DACH1: variants seen among roughly 807,000 people sequenced by gnomAD.
DACH1 encodes dachshund family transcription factor 1.
In DACH1, 12 loss-of-function variants were observed where a neutral mutation model predicts 54.2. The ratio of observed to expected loss-of-function variants is 0.22; its 90% CI spans 0.14 to 0.36. DACH1 has a LOEUF of 0.36. Among genes scored for constraint, DACH1 ranks in the 10% least tolerant of loss-of-function variants. The pLI is 1.00. For missense variants in DACH1, 805 were observed against 929.8 expected (o/e 0.87, Z 1.75); for synonymous variants, 386 against 366.2 (o/e 1.05, Z -0.62).
chr13:71,602,520 G>A (rs932307929), intron 3 of DACH1, among the ~76,000 whole-genome samples: 4 of 151,658 alleles, frequency 2.6e-5, no homozygotes, highest in Non-Finnish European at 4.4e-5. Context: ...TGCTTTGTCC[G>A]CCATGGGAGC....
intron 6 of DACH1, among the ~76,000 whole-genome samples, chr13:71,531,166 G>A (rs1165826165): frequency 6.6e-6 from 1 of 152,014 alleles, no homozygotes; most frequent in Non-Finnish European, 1.5e-5. Context: ...CTTATTAGGA[G>A]GAGAGTATTC....
intron 3 of DACH1, among the ~76,000 whole-genome samples, chr13:71,595,823 C>T (rs1473791348): frequency 2.6e-5 from 4 of 152,102 alleles, no homozygotes; most frequent in Non-Finnish European, 5.9e-5. Context: ...CCCTCCTAAC[C>T]TTATTACTTC....
chr13:71,489,794 C>T (rs1191537194), intron 6 of DACH1, among the ~76,000 whole-genome samples: 2 of 151,860 alleles, frequency 1.3e-5, no homozygotes, highest in African/African-American at 4.8e-5. Context: ...TTATAGCTTC[C>T]ATACATAAAA....
chr13:71,689,063 G>A (rs1881336609), intron 1 of DACH1, among the ~76,000 whole-genome samples: 1 of 152,082 alleles, frequency 6.6e-6, no homozygotes, highest in Admixed American at 6.6e-5. Flanking sequence ...GAGTTTGTTT[G>A]TTTGTTGTTT....
At chr13:71,515,904 A>G (rs1339892351) in intron 6 of DACH1, among the ~76,000 whole-genome samples, 1 of 151,918 alleles carries the variant, frequency 6.6e-6, no homozygotes, top group Non-Finnish European at 1.5e-5. Context: ...TGACACTGTT[A>G]TCTTAATGTT....
In DACH1 at chr13:71,584,299, T is replaced by C. The variant is rs957523368; in HGVS notation, c.1127-11287A>G. Among the ~76,000 whole-genome samples, 2 of 152,232 alleles carry C rather than the reference T, an allele frequency of 1.3e-5. 1 individual carries two copies. The highest frequency in any genetic ancestry group is 4.1e-4 in the South Asian group (2 of 4,834). ...TTAAAATGATCTGTGTAAAAACTGTTTTCTTCTTTGATTTTGAAATTTTGC... is the reference window on the plus strand; with the variant it reads ...TTAAAATGATCTGTGTAAAAACTGTCTTCTTCTTTGATTTTGAAATTTTGC... On this transcript the variant is annotated intron_variant, in intron 3 of 10. Transcript: ENST00000613252.
chr13:71,620,863 T>C lies in DACH1; in HGVS notation c.1126+9693A>G, dbSNP rs190177414. Among the ~76,000 whole-genome samples, 31 of 151,356 alleles carry C rather than the reference T, an allele frequency of 2.0e-4. 1 individual carries two copies. Among genetic ancestry groups the C allele is most frequent in the Admixed American group, 1.8e-3 (27 of 15,218 alleles). ...CTATACTGATGTAGAAGTAAAATCATAGATGAATTATTTATTTTTTTTAAA... is the reference window on the plus strand; with the variant it reads ...CTATACTGATGTAGAAGTAAAATCACAGATGAATTATTTATTTTTTTTAAA... On this transcript the variant is annotated intron_variant, in intron 3 of 10. Coordinates refer to ENST00000613252, the MANE Select transcript of DACH1 (RefSeq NM_080759.6).
chr13:71,766,546 T>G (rs1885637328), intron 1 of DACH1, among the ~76,000 whole-genome samples: 1 of 152,186 alleles, frequency 6.6e-6, no homozygotes, highest in Non-Finnish European at 1.5e-5. Flanking sequence ...TAATTGTCTG[T>G]AGGGAATGTT....
chr13:71,545,575 G>A (rs1418660249), intron 6 of DACH1, among the ~76,000 whole-genome samples: 4 of 151,244 alleles, frequency 2.6e-5, no homozygotes, highest in Admixed American at 2.0e-4. Flanking sequence ...GGAAAGGAAG[G>A]AAGGAAGGGA....
chr13:71,585,818 G>C (rs1037887226), intron 3 of DACH1, among the ~76,000 whole-genome samples: 1 of 152,060 alleles, frequency 6.6e-6, no homozygotes, highest in African/African-American at 2.4e-5. Flanking sequence ...ATCATCCTGA[G>C]TTCTGTCATC....
chr13:71,848,640 G>C (rs577314831), intron 1 of DACH1, among the ~76,000 whole-genome samples: 1 of 151,846 alleles, frequency 6.6e-6, no homozygotes, highest in Non-Finnish European at 1.5e-5. Flanking sequence ...GACCTCCAAG[G>C]CTCAAGTAAT....
At chr13:71,697,569 A>G (rs1881894314) in intron 1 of DACH1, among the ~76,000 whole-genome samples, 1 of 152,238 alleles carries the variant, frequency 6.6e-6, no homozygotes, top group Non-Finnish European at 1.5e-5. Context: ...CAACCAAAGT[A>G]GTCTATGCCC....
intron 1 of DACH1, among the ~76,000 whole-genome samples, chr13:71,735,325 A>G (rs1228055508): frequency 1.7e-5 from 1 of 58,572 alleles, no homozygotes; most frequent in African/African-American, 3.7e-5. Context: ...TATGGGATAT[A>G]CACGTATACG....
intron 1 of DACH1, among the ~76,000 whole-genome samples, chr13:71,797,516 C>T (rs376276755): frequency 2.0e-5 from 3 of 152,030 alleles, no homozygotes; most frequent in African/African-American, 7.2e-5. Flanking sequence ...AATGTTTTTG[C>T]CGAACAAAAC....
chr13:71,760,619 A>G (rs1885365620), intron 1 of DACH1, among the ~76,000 whole-genome samples: 1 of 152,216 alleles, frequency 6.6e-6, no homozygotes, highest in Non-Finnish European at 1.5e-5. Flanking sequence ...TCATCAAAGG[A>G]AAGGACACAG....
chr13:71,475,186 C>T lies in DACH1; in HGVS notation c.2038G>A (p.Ala680Thr). 1.9e-6 allele frequency: 3 copies of T among 1,613,922 alleles called. No individual in the cohort carries two copies. Among genetic ancestry groups the T allele is most frequent in the Non-Finnish European group, 2.5e-6 (3 of 1,179,872 alleles). Reference sequence around the variant, plus strand: ...TCTGTTCTGCCGCCACTGCGGTCAGCCTCTATCTCTGGGGTCAGAGAGTCT... The same window carrying T: ...TCTGTTCTGCCGCCACTGCGGTCAGTCTCTATCTCTGGGGTCAGAGAGTCT... ...LNDSLTPEIEADRSGGRTDAE... is the reference protein window; with the variant it reads ...LNDSLTPEIETDRSGGRTDAE... Residue 680 changes from alanine to threonine, a missense_variant, in exon 10 of 11, where the codon GCT becomes ACT. This residue lies in a region of DACH1 where 472 missense variants were observed against 545.3 expected (regional missense o/e 0.87). Coordinates refer to ENST00000613252, the MANE Select transcript of DACH1 (RefSeq NM_080759.6).
intron 1 of DACH1, among the ~76,000 whole-genome samples, chr13:71,819,711 A>G (rs1382207633): frequency 1.3e-5 from 2 of 152,342 alleles, no homozygotes; most frequent in Non-Finnish European, 1.5e-5. Context: ...TTCAAGGAAC[A>G]TTAATTTCTA....
chr13:71,658,424 C>T (rs1439485420), intron 2 of DACH1, among the ~76,000 whole-genome samples: 1 of 151,992 alleles, frequency 6.6e-6, no homozygotes, highest in East Asian at 1.9e-4. Context: ...GTCGTGGGAG[C>T]CTGTGATCCC....
chr13:71,576,501 C>G (rs1430409966), intron 3 of DACH1, among the ~76,000 whole-genome samples: 1 of 152,110 alleles, frequency 6.6e-6, no homozygotes, highest in Non-Finnish European at 1.5e-5. Flanking sequence ...CTCACCCTCA[C>G]TTGATATTTT....
Sources: gnomAD v4.1 joint callset for allele counts (sites outside exome capture counted in the v4.1 genomes callset) on GRCh38, gnomAD v4.1.1 for gene constraint, gnomAD v4.1.1 regional missense constraint, MANE v1.5 for transcripts, NCBI Gene and HGNC (gene_info 2026-07-23, HGNC 2026-07-21) for gene names.